Variants in FGD4 observed in about 807,000 individuals in gnomAD.
FGD4 encodes the protein FYVE, RhoGEF and PH domain containing 4.
FGD4 carries 42 observed loss-of-function variants against 102.0 expected under a neutral mutation model. The observed-to-expected ratio is 0.41, with a 90% CI of 0.32 to 0.53. FGD4 has a LOEUF of 0.53. Among genes scored for constraint, FGD4 ranks in the 20% least tolerant of loss-of-function variants. FGD4 has a pLI of 0.21. For synonymous variants in FGD4, 380 were observed against 375.7 expected (o/e 1.01, Z -0.13); for missense variants, 902 against 1,078.2 (o/e 0.84, Z 2.29).
chr12:32,524,312 C>T (rs1362754505), intron 1 of FGD4, among the ~76,000 whole-genome samples: 1 of 146,538 alleles, frequency 6.8e-6, no homozygotes, highest in Non-Finnish European at 1.5e-5. Context: ...AGGAGAATTG[C>T]TTGAACCCCG....
chr12:32,421,403 A>G (rs1381611318), intron 1 of FGD4, among the ~76,000 whole-genome samples: 3 of 152,186 alleles, frequency 2.0e-5, no homozygotes, highest in Non-Finnish European at 4.4e-5. Context: ...TTTTAGTTTA[A>G]CAGTTCCAAT....
intron 1 of FGD4, among the ~76,000 whole-genome samples, chr12:32,503,303 G>A (rs1214515009): frequency 1.3e-5 from 2 of 152,190 alleles, no homozygotes; most frequent in Admixed American, 1.3e-4. Context: ...AGGTTGCAAG[G>A]AAAGCCTTGG....
intron 11 of FGD4, 51 bp from the exon 12 acceptor site, chr12:32,624,371 G>A (rs1308765347): frequency 3.6e-6 from 5 of 1,378,840 alleles, no homozygotes; most frequent in Non-Finnish European, 4.1e-6. Flanking sequence ...TATTCACCCA[G>A]TGTGAATCAT....
chr12:32,578,848 G>A (rs891412233), intron 3 of FGD4, among the ~76,000 whole-genome samples: 10 of 150,890 alleles, frequency 6.6e-5, no homozygotes, highest in South Asian at 2.1e-4. Context: ...AAAAAACATC[G>A]TAGCACTAGT....
intron 7 of FGD4, among the ~76,000 whole-genome samples, chr12:32,603,665 G>A (rs889476269): frequency 1.3e-5 from 2 of 151,834 alleles, no homozygotes; most frequent in Non-Finnish European, 2.9e-5. Flanking sequence ...GATTATAGGC[G>A]TGAGCCACCG....
intron 1 of FGD4, among the ~76,000 whole-genome samples, chr12:32,419,738 G>A (rs572346617): frequency 6.6e-6 from 1 of 152,324 alleles, no homozygotes; most frequent in Admixed American, 6.5e-5. Flanking sequence ...GGGAACTCAA[G>A]CTCTGACTGC....
chr12:32,403,372 T>A (rs1342046431), intron 1 of FGD4, among the ~76,000 whole-genome samples: 1 of 152,176 alleles, frequency 6.6e-6, no homozygotes, highest in African/African-American at 2.4e-5. Context: ...TTCTAGTCCC[T>A]CTTCCATAGC....
chr12:32,531,078 A>T lies in FGD4; in HGVS notation c.167-33059A>T, dbSNP rs200449844. On this transcript the variant is annotated intron_variant, in intron 1 of 16. Transcript: ENST00000534526. ...GCGATTCTCCTGCCTCAGTCTCCCAAGTAGCTGGGACTACAGGCGCGTGCC... is the reference window on the plus strand; with the variant it reads ...GCGATTCTCCTGCCTCAGTCTCCCATGTAGCTGGGACTACAGGCGCGTGCC... Among the ~76,000 whole-genome samples, 3 of 149,298 alleles carry T rather than the reference A, an allele frequency of 2.0e-5. No homozygotes were observed. In the East Asian group the frequency reaches 5.9e-4, roughly 30 times the overall value.
chr12:32,517,625 G>T (rs778811972), intron 1 of FGD4, among the ~76,000 whole-genome samples: 5 of 152,154 alleles, frequency 3.3e-5, no homozygotes, highest in Admixed American at 1.3e-4. Context: ...AGGCACAGCT[G>T]CTCACTCCTG....
chr12:32,491,615 C>G (rs916580400), intron 1 of FGD4, among the ~76,000 whole-genome samples: 1 of 152,188 alleles, frequency 6.6e-6, no homozygotes, highest in Non-Finnish European at 1.5e-5. Flanking sequence ...GGTTTCATTT[C>G]TTATGTTTGT....
At chr12:32,473,972 CA>C (rs931454455) in intron 1 of FGD4, among the ~76,000 whole-genome samples, 1 of 151,876 alleles carries the variant, frequency 6.6e-6, no homozygotes, top group Non-Finnish European at 1.5e-5. Context: ...CCTGTAGTCC[CA>C]GCTACTCGGG....
rs189061793 is a variant in FGD4, at chr12:32,534,566, C to T, written c.167-29571C>T. 3.7e-5 allele frequency: 35 copies of T among 938,224 alleles called. 2 individuals are homozygous for T. The African/African-American group carries it at 5.2e-4, about 14-fold the overall frequency. The allele number at this position is 938,224 out of a possible 1,614,324, so 58.1% of individuals were successfully genotyped here. ...CAGCGTGGGTCACTTTATAACACTG[C>T]ATGCCGAGGGATGTAAAAGTGGCAG... On this transcript the variant is annotated intron_variant, in intron 1 of 16. Transcript: ENST00000534526.
chr12:32,449,331 T>C (rs1028918989), intron 1 of FGD4, among the ~76,000 whole-genome samples: 3 of 152,246 alleles, frequency 2.0e-5, no homozygotes, highest in Admixed American at 1.3e-4. Context: ...GCACCAATAA[T>C]GCCCTTCATG....
At chr12:32,612,250 C>G (rs11052104) in intron 10 of FGD4, among the ~76,000 whole-genome samples, 42,949 of 152,204 alleles carry the variant, frequency 0.28, 6,296 homozygotes, top group South Asian at 0.41. Context: ...ATGCTGGTGC[C>G]TAGAAATGCT....
chr12:32,561,141 A>G (rs1243146938), intron 1 of FGD4, among the ~76,000 whole-genome samples: 1 of 123,888 alleles, frequency 8.1e-6, no homozygotes, highest in Non-Finnish European at 1.6e-5. Context: ...CTGGAGTGCA[A>G]TGGTGCGATC....
rs775127429 is a variant in FGD4 at position 32,602,241 on chromosome 12, T to C, written c.1328T>C (p.Phe443Ser). ...LKMYGEYVKG[F>S]DNAMELVKNM... is the part of the protein sequence containing the mutation. ...ATGTATGGAGAATATGTGAAAGGAT[T>C]TGATAATGCAATGGAATTGGTTAAA... The change falls in exon 7 of 17, where the codon TTT becomes TCT. Residue 443 changes from phenylalanine (F) to serine (S), a missense_variant. Coordinates refer to ENST00000534526, the MANE Select transcript of FGD4 (RefSeq NM_001370298.3). The C allele has an allele frequency of 6.2e-7, 1 of 1,614,184 alleles. No homozygotes were observed. The highest frequency in any genetic ancestry group is 1.1e-5 in the South Asian group (1 of 91,082).
intron 1 of FGD4, among the ~76,000 whole-genome samples, chr12:32,418,600 G>T (rs549882869): frequency 6.6e-6 from 1 of 152,114 alleles, no homozygotes; most frequent in Non-Finnish European, 1.5e-5. Flanking sequence ...CTGGACCTTG[G>T]GGGGTGGGGT....
At chr12:32,491,144 A>C (rs537472461) in intron 1 of FGD4, among the ~76,000 whole-genome samples, 75 of 150,950 alleles carry the variant, frequency 5.0e-4, no homozygotes, top group Middle Eastern at 3.5e-3. Flanking sequence ...AAAAAAAAAA[A>C]AAAAAACAAA....
At chr12:32,526,610 C>T (rs865922266) in intron 1 of FGD4, among the ~76,000 whole-genome samples, 4 of 152,168 alleles carry the variant, frequency 2.6e-5, no homozygotes, top group Non-Finnish European at 5.9e-5. Context: ...GCAGGCTGCC[C>T]GAGCCAGCAT....
Sources: allele counts gnomAD v4.1 joint callset (sites outside exome capture counted in the v4.1 genomes callset), GRCh38; gene constraint gnomAD v4.1.1; transcripts MANE v1.5; gene names NCBI Gene and HGNC (gene_info 2026-07-23, HGNC 2026-07-21).